ROBO2: variants seen among roughly 807,000 people sequenced by gnomAD.
ROBO2 encodes the protein roundabout homolog 2.
Under a neutral mutation model 160.8 loss-of-function variants are expected in ROBO2, and 53 were observed. That is an observed-to-expected ratio of 0.33 (90% confidence interval 0.26 to 0.41). The LOEUF is 0.41. ROBO2 is among the 10% of genes least tolerant of loss of function. ROBO2 has a pLI of 1.00. For synonymous variants in ROBO2, 664 were observed against 611.7 expected (o/e 1.09, Z -1.26); for missense variants, 1,577 against 1,722.4 (o/e 0.92, Z 1.49).
At chr3:76,127,845 A>G (rs1353679735) in intron 2 of ROBO2, among the ~76,000 whole-genome samples, 2 of 151,906 alleles carry the variant, frequency 1.3e-5, no homozygotes, top group Non-Finnish European at 2.9e-5. Context: ...TGAAAAATAC[A>G]TAAGGTAAAA....
At chr3:76,844,927 A>C in intron 2 of ROBO2, among the ~76,000 whole-genome samples, 1 of 152,084 alleles carries the variant, frequency 6.6e-6, no homozygotes, top group Admixed American at 6.6e-5. Context: ...TTTTTAAATA[A>C]TTTTAAAAAG....
chr3:76,866,172 A>G (rs1349309972), intron 2 of ROBO2, among the ~76,000 whole-genome samples: 1 of 152,128 alleles, frequency 6.6e-6, no homozygotes, highest in African/African-American at 2.4e-5. Flanking sequence ...AGAATATTCT[A>G]TGTATTTTTA....
intron 2 of ROBO2, among the ~76,000 whole-genome samples, chr3:76,733,934 T>C (rs1489647010): frequency 1.3e-5 from 2 of 152,202 alleles, no homozygotes; most frequent in Non-Finnish European, 2.9e-5. Flanking sequence ...GGCATCTTTT[T>C]GTTATATCTC....
chr3:77,564,589 GTATA>G (rs148921860), intron 11 of ROBO2: 1 of 402,040 alleles, frequency 2.5e-6, no homozygotes, highest in Non-Finnish European at 4.7e-6. Context: ...TCTTTTCAAG[GTATA>G]TATATATATA....
chr3:76,572,181 T>C (rs1413005367), intron 2 of ROBO2, among the ~76,000 whole-genome samples: 1 of 152,126 alleles, frequency 6.6e-6, no homozygotes, highest in African/African-American at 2.4e-5. Context: ...GTACTATCAC[T>C]AACCCCATTT....
intron 2 of ROBO2, among the ~76,000 whole-genome samples, chr3:77,387,660 A>G (rs2074277103): frequency 6.6e-6 from 1 of 152,094 alleles, no homozygotes; most frequent in Non-Finnish European, 1.5e-5. Context: ...AAAAAGCTGA[A>G]AGCTGAGTCG....
At chr3:77,108,301 T>TATATATATATGTATACACATATGC (rs2073120964) in intron 2 of ROBO2, among the ~76,000 whole-genome samples, 14 of 108,850 alleles carry the variant, frequency 1.3e-4, no homozygotes, top group African/African-American at 3.8e-4. Context: ...CACATATGCA[T>TATATATATATGTATACACATATGC]ATATATATAT....
chr3:76,029,454 G>A lies in ROBO2; in HGVS notation c.109+91852G>A, dbSNP rs538543967. ...ATATGTATACATGTGCCATGTTGGT[G>A]TGCTGTACCCATTAAATCGTCATTT... On this transcript the variant is annotated intron_variant, in intron 2 of 26. Coordinates refer to the ROBO2 transcript ENST00000487694. Among the ~76,000 whole-genome samples the A allele has an allele frequency of 2.0e-5, 3 of 152,108 alleles. No individual in the cohort carries two copies. In the East Asian group the frequency reaches 5.8e-4, roughly 29 times the overall value.
intron 2 of ROBO2, among the ~76,000 whole-genome samples, chr3:75,945,912 G>A (rs62269831): frequency 1.3e-5 from 2 of 152,162 alleles, no homozygotes; most frequent in South Asian, 2.1e-4. Flanking sequence ...TTAGGCAGTG[G>A]TAATGAGTTA....
Position 76,814,445 on chromosome 3 carries a change from C to T in ROBO2, c.110-283569C>T, listed in dbSNP as rs750063356. 1.4e-4 allele frequency among the ~76,000 whole-genome samples: 21 copies of T among 152,062 alleles called. 1 individual carries two copies. Among genetic ancestry groups the T allele is most frequent in the Non-Finnish European group, 2.4e-4 (16 of 67,996 alleles). On this transcript the variant is annotated intron_variant, in intron 2 of 26. Coordinates refer to the ROBO2 transcript ENST00000487694. ...GTCACTGTAAGGAGCAAATATAGTG[C>T]GTGCCAATCTATCCCATTTATTGGA...
chr3:77,003,819 A>G (rs1202049011), intron 2 of ROBO2, among the ~76,000 whole-genome samples: 1 of 152,078 alleles, frequency 6.6e-6, no homozygotes, highest in East Asian at 1.9e-4. Context: ...TTCTGGGATT[A>G]CTGGTGTGAG....
At chr3:76,224,299 G>T (rs1359575792) in intron 2 of ROBO2, among the ~76,000 whole-genome samples, 3 of 152,160 alleles carry the variant, frequency 2.0e-5, no homozygotes, top group Non-Finnish European at 4.4e-5. Flanking sequence ...AAAACCGAGA[G>T]AGTTAATGGC....
intron 2 of ROBO2, among the ~76,000 whole-genome samples, chr3:76,046,012 T>G (rs1163316152): frequency 6.6e-6 from 1 of 151,974 alleles, no homozygotes; most frequent in Non-Finnish European, 1.5e-5. Flanking sequence ...GAGGAAGTCT[T>G]CACTTTGACT....
chr3:76,870,580 A>G (rs1034285124), intron 2 of ROBO2, among the ~76,000 whole-genome samples: 1 of 152,206 alleles, frequency 6.6e-6, no homozygotes, highest in African/African-American at 2.4e-5. Context: ...TAGACTATGA[A>G]CACCTAGAGA....
intron 2 of ROBO2, among the ~76,000 whole-genome samples, chr3:76,032,532 G>A (rs2066959878): frequency 6.6e-6 from 1 of 152,114 alleles, no homozygotes; most frequent in Non-Finnish European, 1.5e-5. Flanking sequence ...CTTTAAGTGT[G>A]TCCCAGAAAT....
At chr3:77,307,690 C>G (rs1347541829) in intron 2 of ROBO2, among the ~76,000 whole-genome samples, 2 of 152,156 alleles carry the variant, frequency 1.3e-5, no homozygotes, top group Non-Finnish European at 2.9e-5. Context: ...CAATACCAGC[C>G]TGGCCAACAT....
At chr3:76,854,326 T>C (rs547810021) in intron 2 of ROBO2, among the ~76,000 whole-genome samples, 4 of 152,272 alleles carry the variant, frequency 2.6e-5, no homozygotes, top group South Asian at 4.1e-4. Context: ...AATGAATACA[T>C]TGCATACACA....
intron 2 of ROBO2, among the ~76,000 whole-genome samples, chr3:75,968,933 A>G (rs2064896865): frequency 6.9e-6 from 1 of 144,134 alleles, no homozygotes; most frequent in Admixed American, 6.9e-5. Context: ...CTTGTTTTAG[A>G]TAGTACATAG....
intron 2 of ROBO2, among the ~76,000 whole-genome samples, chr3:76,541,640 G>A (rs2082823509): frequency 6.6e-6 from 1 of 152,192 alleles, no homozygotes; most frequent in East Asian, 1.9e-4. Context: ...GGATCCCACT[G>A]ATGGCGTGGC....
Sources: allele counts gnomAD v4.1 joint callset (sites outside exome capture counted in the v4.1 genomes callset), GRCh38; gene constraint gnomAD v4.1.1; transcripts MANE v1.5; gene names NCBI Gene and HGNC (gene_info 2026-07-23, HGNC 2026-07-21).